Variants in UNC13C observed in about 807,000 individuals in gnomAD.
UNC13C encodes the protein protein unc-13 homolog C.
Under a neutral mutation model 245.4 loss-of-function variants are expected in UNC13C, and 174 were observed. The ratio of observed to expected loss-of-function variants is 0.71; its 90% CI spans 0.63 to 0.80. The LOEUF (loss-of-function observed/expected upper bound fraction) is 0.80, where lower values mean the gene tolerates loss of function less well. Ranked by LOEUF, UNC13C falls within the 30% of genes least tolerant of loss-of-function variation. The pLI is 0.00. For missense variants in UNC13C, 2,829 were observed against 2,602.9 expected (o/e 1.09, Z -1.89); for synonymous variants, 992 against 895.1 (o/e 1.11, Z -1.93).
chr15:54,496,249 A>G (rs942277125), intron 20 of UNC13C, among the ~76,000 whole-genome samples: 1 of 152,110 alleles, frequency 6.6e-6, no homozygotes, highest in Admixed American at 6.6e-5. Context: ...TCTTTATGTT[A>G]AATAAAGGCC....
the UNC13C span, among the ~76,000 whole-genome samples, chr15:53,878,948 A>G: frequency 0.2 from 31,050 of 152,124 alleles, 3,580 homozygotes; most frequent in Non-Finnish European, 0.26. Flanking sequence ...CTTTGACTCT[A>G]ACTTTAAAAC....
the UNC13C span, among the ~76,000 whole-genome samples, chr15:53,878,802 T>C: frequency 6.6e-6 from 1 of 152,220 alleles, no homozygotes; most frequent in African/African-American, 2.4e-5. Context: ...ATTGCATTGA[T>C]AGAGATTTAC....
intron 2 of UNC13C, among the ~76,000 whole-genome samples, chr15:54,121,084 A>G (rs960110679): frequency 6.6e-6 from 1 of 152,178 alleles, no homozygotes; most frequent in Non-Finnish European, 1.5e-5. Flanking sequence ...ATGGAGTCCA[A>G]TTTTGAAAGA....
chr15:54,417,411 CAA>C (rs2040544989), intron 19 of UNC13C, among the ~76,000 whole-genome samples: 1 of 152,082 alleles, frequency 6.6e-6, no homozygotes, highest in Admixed American at 6.5e-5. Flanking sequence ...AGTGCATTTT[CAA>C]ACATTTATTG....
chr15:54,464,622 A>G (rs1892067752), intron 19 of UNC13C, among the ~76,000 whole-genome samples: 1 of 152,094 alleles, frequency 6.6e-6, no homozygotes, highest in Non-Finnish European at 1.5e-5. Context: ...TTAAGTTTAA[A>G]AACTTTTAAA....
intron 30 of UNC13C, among the ~76,000 whole-genome samples, chr15:54,598,220 G>C (rs1238845796): frequency 1.3e-5 from 2 of 152,170 alleles, no homozygotes; most frequent in Non-Finnish European, 2.9e-5. Context: ...AGCCTCCCGA[G>C]TAGCTGGGAT....
chr15:54,420,241 G>A (rs1210260336), intron 19 of UNC13C, among the ~76,000 whole-genome samples: 1 of 148,724 alleles, frequency 6.7e-6, no homozygotes, highest in Non-Finnish European at 1.5e-5. Flanking sequence ...CTGATGGGCT[G>A]GGGGATTGCT....
intron 1 of UNC13C, among the ~76,000 whole-genome samples, chr15:53,987,876 T>G (rs1325885014): frequency 6.6e-6 from 1 of 152,050 alleles, no homozygotes; most frequent in Admixed American, 6.6e-5. Context: ...TTGCCCTAAT[T>G]AAACTATCTA....
intron 1 of UNC13C, among the ~76,000 whole-genome samples, chr15:53,984,706 GT>G (rs1369064889): frequency 1.3e-5 from 2 of 152,078 alleles, no homozygotes; most frequent in African/African-American, 4.8e-5. Flanking sequence ...AAATGTACAT[GT>G]TATTAGACAA....
the UNC13C span, among the ~76,000 whole-genome samples, chr15:53,943,438 C>G: frequency 6.6e-6 from 1 of 152,068 alleles, no homozygotes; most frequent in Non-Finnish European, 1.5e-5. Flanking sequence ...CCTCTAGTTT[C>G]TAAACAGCAA....
In UNC13C at chr15:54,015,082, G is replaced by T; in HGVS notation, c.2179G>T (p.Asp727Tyr). ...DDNSSPCPGL[D>Y]NEPQGQWVGQ... is the part of the protein sequence containing the mutation. ...CAATTCTTCTCCATGCCCTGGCTTG[G>T]ATAATGAACCACAAGGCCAGTGGGT... Residue 727 changes from aspartate to tyrosine, a missense_variant, in exon 2 of 33, where the codon GAT becomes TAT. Coordinates refer to ENST00000260323, the MANE Select transcript of UNC13C (RefSeq NM_001080534.3). 1.9e-6 allele frequency: 3 copies of T among 1,612,744 alleles called. No individual in the cohort carries two copies. Among genetic ancestry groups the T allele is most frequent in the Non-Finnish European group, 2.5e-6 (3 of 1,179,382 alleles).
Position 54,414,998 on chromosome 15 carries a change from A to G in UNC13C, c.4864A>G (p.Asn1622Asp). ...TGGTTTTAGGTTTCCTCAAGAGCTG[A>G]ACATGGGAAAAATAAGTGCCGAAAT... Reference protein sequence around the residue: ...PVLNQFPQELNMGKISAEIMW... With the variant: ...PVLNQFPQELDMGKISAEIMW... The change falls in exon 19 of 33, where the codon AAC becomes GAC. Residue 1622 changes from asparagine (N) to aspartate (D), a missense_variant. Asn to Asp is a conservative substitution (Grantham distance 23). Transcript: ENST00000260323. The G allele has an allele frequency of 6.2e-7, 1 of 1,612,946 alleles. No individual in the cohort carries two copies. The highest frequency in any genetic ancestry group is 8.5e-7 in the Non-Finnish European group (1 of 1,179,430).
chr15:54,506,336 C>T (rs984740622), intron 22 of UNC13C, among the ~76,000 whole-genome samples: 1 of 152,100 alleles, frequency 6.6e-6, no homozygotes, highest in Admixed American at 6.6e-5. Context: ...ATAAGTATTT[C>T]ATAGGTAAGT....
At chr15:54,097,639 G>T (rs1899940140) in intron 2 of UNC13C, among the ~76,000 whole-genome samples, 1 of 152,156 alleles carries the variant, frequency 6.6e-6, no homozygotes, top group Non-Finnish European at 1.5e-5. Flanking sequence ...ACTTCTAGGA[G>T]TGGATCCAGA....
At chr15:54,019,276 G>GT (rs1895793288) in intron 2 of UNC13C, among the ~76,000 whole-genome samples, 1 of 152,138 alleles carries the variant, frequency 6.6e-6, no homozygotes, top group African/African-American at 2.4e-5. Flanking sequence ...TTCAAAGGTT[G>GT]TTTTTATTCA....
intron 2 of UNC13C, among the ~76,000 whole-genome samples, chr15:54,033,396 A>G (rs1896446767): frequency 1.3e-5 from 2 of 152,128 alleles, no homozygotes; most frequent in Admixed American, 6.5e-5. Flanking sequence ...ATGACAAGAA[A>G]AAATTTTTGG....
At chr15:53,975,533 T>G (rs1259795198), upstream of UNC13C, among the ~76,000 whole-genome samples, 2 of 152,174 alleles carry the variant, frequency 1.3e-5, no homozygotes, top group Non-Finnish European at 2.9e-5. Flanking sequence ...AAAACACAAT[T>G]CCATGCACAC....
intron 17 of UNC13C, among the ~76,000 whole-genome samples, chr15:54,387,736 A>C (rs76936238): frequency 0.061 from 9,243 of 152,260 alleles, 317 homozygotes; most frequent in Admixed American, 0.11. Flanking sequence ...TATCTAGTGA[A>C]TGATTTAATA....
At chr15:54,287,458 T>TGTGTG (rs2037178738) in intron 10 of UNC13C, among the ~76,000 whole-genome samples, 1 of 152,226 alleles carries the variant, frequency 6.6e-6, no homozygotes, top group Non-Finnish European at 1.5e-5. Context: ...CAATCAGAAT[T>TGTGTG]GCATTAATCT....
Sources: gnomAD v4.1 joint callset for allele counts (sites outside exome capture counted in the v4.1 genomes callset) on GRCh38, gnomAD v4.1.1 for gene constraint, MANE v1.5 for transcripts, NCBI Gene and HGNC (gene_info 2026-07-23, HGNC 2026-07-21) for gene names.